The following TESMIN variants were observed in gnomAD, a reference collection of about 807,000 sequenced individuals.
TESMIN encodes CXC domain containing 2.
Under a neutral mutation model 47.4 loss-of-function variants are expected in TESMIN, and 34 were observed. The observed-to-expected ratio is 0.72, with a 90% CI of 0.55 to 0.96. The LOEUF (loss-of-function observed/expected upper bound fraction) is 0.96, where lower values mean the gene tolerates loss of function less well. Among genes scored for constraint, TESMIN ranks in the 40% least tolerant of loss-of-function variants. The pLI is 0.00. For synonymous variants in TESMIN, 278 were observed against 258.9 expected (o/e 1.07, Z -0.71); for missense variants, 610 against 637.2 (o/e 0.96, Z 0.46).
intron 6 of TESMIN, chr11:68,738,052 T>A: frequency 3.0e-6 from 3 of 985,534 alleles, no homozygotes; most frequent in South Asian, 4.7e-5. Context: ...AAACCACTGT[T>A]AATACATAAA....
chr11:68,738,702 A>C lies in TESMIN; in HGVS notation c.915T>G (p.Ala305=), dbSNP rs1946418173. ...TLPGPPKITL[A]GYCDCFASGD... Reference sequence around the variant, plus strand: ...AATGTATTGCTTCTAATCCTTACCCAGCCAAAGTTATTTTTGGTGGTCCTG... The same window carrying C: ...AATGTATTGCTTCTAATCCTTACCCCGCCAAAGTTATTTTTGGTGGTCCTG... The change falls in exon 6 of 10, where the codon GCT becomes GCG. Residue 305 remains alanine (A), a splice_region_variant and synonymous_variant. Coordinates refer to ENST00000255087, the MANE Select transcript of TESMIN (RefSeq NM_004923.3). 1 of 1,613,898 alleles carries C rather than the reference A, an allele frequency of 6.2e-7. No individual in the cohort carries two copies. Among genetic ancestry groups the C allele is most frequent in the Admixed American group, 1.7e-5 (1 of 59,986 alleles).
At chr11:68,744,859 T>C (rs924240598) in intron 4 of TESMIN, 132 bp downstream of exon 4, 6 of 662,672 alleles carry the variant, frequency 9.1e-6, no homozygotes, top group Non-Finnish European at 1.5e-5. Flanking sequence ...AGCTTACTAA[T>C]ATGGACTACG....
intron 5 of TESMIN, among the ~76,000 whole-genome samples, chr11:68,741,787 T>G (rs569492322): frequency 5.3e-5 from 8 of 152,270 alleles, no homozygotes; most frequent in Non-Finnish European, 1.0e-4. Flanking sequence ...GAGAGTGCCA[T>G]GCAGAGCAGG....
At chr11:68,745,242 TAG>T (rs2153993092) in intron 3 of TESMIN, 131 bp from the exon 4 acceptor site, 1 of 828,640 alleles carries the variant, frequency 1.2e-6, no homozygotes. Context: ...TAGAAAACTA[TAG>T]ATCTGTTTTC....
At chr11:68,745,361 G>C (rs1946507607) in intron 3 of TESMIN, among the ~76,000 whole-genome samples, 1 of 150,746 alleles carries the variant, frequency 6.6e-6, no homozygotes, top group South Asian at 2.1e-4. Flanking sequence ...TCCAGTGTGT[G>C]AACAGAAAAA....
intron 6 of TESMIN, among the ~76,000 whole-genome samples, chr11:68,726,154 T>G (rs1166543725): frequency 6.6e-6 from 1 of 152,146 alleles, no homozygotes; most frequent in Admixed American, 6.5e-5. Context: ...GTAGAAGGTC[T>G]GCTGCAGGAT....
intron 8 of TESMIN, among the ~76,000 whole-genome samples, chr11:68,712,292 G>A (rs1946082717): frequency 1.3e-5 from 2 of 152,204 alleles, no homozygotes; most frequent in African/African-American, 4.8e-5. Context: ...CGGGGGTGAT[G>A]TCAGTCCCAT....
chr11:68,740,085 G>T (rs565874115), intron 5 of TESMIN, among the ~76,000 whole-genome samples: 1 of 152,298 alleles, frequency 6.6e-6, no homozygotes, highest in South Asian at 2.1e-4. Context: ...TTGGAGTGAA[G>T]GAAGTCAACT....
chr11:68,715,908 A>C lies in TESMIN; in HGVS notation c.949T>G (p.Cys317Gly). The change falls in exon 7 of 10, where the codon TGC (cysteine) becomes GGC (glycine). Residue 317 changes from cysteine (C) to glycine (G), a missense_variant. Physicochemically the swap from Cys to Gly is radical, Grantham distance 159 (BLOSUM62 -3). Coordinates refer to ENST00000255087, the MANE Select transcript of TESMIN (RefSeq NM_004923.3). ...YCDCFASGDFCNNCNCNNCCN... is the reference protein window; with the variant it reads ...YCDCFASGDFGNNCNCNNCCN... ...CAATTATTACAATTGCAGTTGTTGCAAAAGTCCCCACTGGCAAAGCAGTCA... is the reference window on the plus strand; with the variant it reads ...CAATTATTACAATTGCAGTTGTTGCCAAAGTCCCCACTGGCAAAGCAGTCA... 1 of 1,613,540 alleles carries C rather than the reference A, an allele frequency of 6.2e-7. No homozygotes were observed. The highest frequency in any genetic ancestry group is 1.1e-5 in the South Asian group (1 of 91,058).
intron 5 of TESMIN, among the ~76,000 whole-genome samples, chr11:68,741,725 A>G (rs924867380): frequency 6.6e-6 from 1 of 152,162 alleles, no homozygotes; most frequent in Non-Finnish European, 1.5e-5. Flanking sequence ...TGGAGCCTGC[A>G]TTCTTGTGGG....
At chr11:68,725,693 G>A (rs1946254566) in intron 6 of TESMIN, among the ~76,000 whole-genome samples, 2 of 151,934 alleles carry the variant, frequency 1.3e-5, no homozygotes, top group African/African-American at 2.4e-5. Context: ...GGCTGGTCTC[G>A]AACTCCTCGG....
intron 5 of TESMIN, among the ~76,000 whole-genome samples, chr11:68,740,634 C>T (rs376886238): frequency 5.3e-5 from 8 of 152,300 alleles, no homozygotes; most frequent in South Asian, 2.1e-4. Context: ...CGCCAGATCC[C>T]GACTTACACT....
At chr11:68,728,146 A>C (rs1946286475) in intron 6 of TESMIN, among the ~76,000 whole-genome samples, 1 of 152,256 alleles carries the variant, frequency 6.6e-6, no homozygotes. Flanking sequence ...TCTCACTTTA[A>C]ATCAAAAGAT....
intron 2 of TESMIN, among the ~76,000 whole-genome samples, chr11:68,748,747 T>C (rs1946552240): frequency 6.6e-6 from 1 of 152,208 alleles, no homozygotes; most frequent in South Asian, 2.1e-4. Flanking sequence ...AAAAGCAAAG[T>C]CTCTCCTTTA....
chr11:68,704,979 T>C (rs1034527191), downstream of TESMIN, among the ~76,000 whole-genome samples: 6 of 152,318 alleles, frequency 3.9e-5, no homozygotes, highest in Non-Finnish European at 8.8e-5. Context: ...GTGCTCCCTG[T>C]GGCTCTCCAG....
chr11:68,731,586 C>T (rs897784244), intron 6 of TESMIN, among the ~76,000 whole-genome samples: 2 of 152,158 alleles, frequency 1.3e-5, no homozygotes, highest in Non-Finnish European at 2.9e-5. Flanking sequence ...TTGCCTTGCG[C>T]TCATGACTTA....
At chr11:68,743,626 G>A (rs1946485565) in intron 4 of TESMIN, among the ~76,000 whole-genome samples, 1 of 152,048 alleles carries the variant, frequency 6.6e-6, no homozygotes, top group Non-Finnish European at 1.5e-5. Context: ...AAGCTATTTA[G>A]ACTAAACTAC....
chr11:68,708,299 C>T lies in TESMIN; in HGVS notation c.*9G>A, dbSNP rs1555222527. The stretch of plus-strand genomic sequence containing the variant: ...AAGACAAAATCAACATGCATTCACA[C>T]TTTATACTCTACTCCATTTTCAATC... On this transcript the variant is annotated 3_prime_UTR_variant, in exon 10 of 10. Transcript: ENST00000255087. 1.1e-5 allele frequency: 18 copies of T among 1,585,976 alleles called. No individual in the cohort carries two copies. The South Asian group carries it at 1.6e-4, about 14-fold the overall frequency.
At chr11:68,740,183 C>T (rs1190754784) in intron 5 of TESMIN, among the ~76,000 whole-genome samples, 1 of 152,104 alleles carries the variant, frequency 6.6e-6, no homozygotes, top group Non-Finnish European at 1.5e-5. Context: ...GGGTCTGAAT[C>T]CCAGGTTTGG....
Sources: allele counts gnomAD v4.1 joint callset (sites outside exome capture counted in the v4.1 genomes callset), GRCh38; gene constraint gnomAD v4.1.1; transcripts MANE v1.5; gene names NCBI Gene and HGNC (gene_info 2026-07-23, HGNC 2026-07-21).